SGCZ: variants seen among roughly 807,000 people sequenced by gnomAD.
The protein encoded by SGCZ is zeta-sarcoglycan.
A neutral mutation model predicts 41.3 loss-of-function variants in SGCZ; 40 were observed. The observed-to-expected ratio is 0.97, with a 90% CI of 0.75 to 1.26. The LOEUF (loss-of-function observed/expected upper bound fraction) is 1.26, where lower values mean the gene tolerates loss of function less well. Ranked by LOEUF, SGCZ falls within the 50% of genes most tolerant of loss-of-function variation. The probability of loss-of-function intolerance (pLI) is 0.00; values close to 1 mark genes in which losing one functional copy is unlikely to be tolerated. For missense variants in SGCZ, 552 were observed against 369.8 expected (o/e 1.49, Z -4.04); for synonymous variants, 206 against 137.5 (o/e 1.50, Z -3.49).
chr8:14,173,887 G>T (rs1804464423), intron 4 of SGCZ, among the ~76,000 whole-genome samples: 1 of 151,948 alleles, frequency 6.6e-6, no homozygotes, highest in Non-Finnish European at 1.5e-5. Context: ...TCTTACAAGA[G>T]ATATATTTGA....
rs547062867 is a variant in SGCZ at position 14,125,448 on chromosome 8, G to A, written c.548-17213C>T. Among the ~76,000 whole-genome samples the A allele has an allele frequency of 1.3e-4, 19 of 150,128 alleles. No homozygotes were observed. The East Asian group carries it at 3.5e-3, about 28-fold the overall frequency. On this transcript the variant is annotated intron_variant, in intron 5 of 7. Coordinates refer to ENST00000382080, the MANE Select transcript of SGCZ (RefSeq NM_139167.4). ...GAACCAGGGAGGCAGAGCTCGCAGT[G>A]AGCCGAGATCACGCCACTGCACTCC...
intron 1 of SGCZ, among the ~76,000 whole-genome samples, chr8:14,902,296 C>A (rs558750220): frequency 6.6e-6 from 1 of 152,130 alleles, no homozygotes; most frequent in South Asian, 2.1e-4. Flanking sequence ...CGTTCTTAAT[C>A]TTTTCTTCTA....
At chr8:14,242,374 A>G (rs1798920748) in intron 3 of SGCZ, among the ~76,000 whole-genome samples, 1 of 152,212 alleles carries the variant, frequency 6.6e-6, no homozygotes, top group Non-Finnish European at 1.5e-5. Flanking sequence ...CAATAAAACC[A>G]TCCACGAAGG....
chr8:14,295,412 T>G (rs936301249), intron 3 of SGCZ, among the ~76,000 whole-genome samples: 1 of 152,176 alleles, frequency 6.6e-6, no homozygotes, highest in African/African-American at 2.4e-5. Flanking sequence ...ATTAAAGTAA[T>G]GGTACATCAA....
chr8:14,970,720 A>T (rs1801264384), intron 1 of SGCZ, among the ~76,000 whole-genome samples: 1 of 152,152 alleles, frequency 6.6e-6, no homozygotes, highest in Non-Finnish European at 1.5e-5. Context: ...ATGAGTCTTG[A>T]TATCAGAGAG....
intron 7 of SGCZ, among the ~76,000 whole-genome samples, chr8:14,096,424 T>G (rs769141309): frequency 6.6e-6 from 1 of 152,222 alleles, no homozygotes; most frequent in African/African-American, 2.4e-5. Flanking sequence ...TTTGGATATG[T>G]TGAACCAGCC....
chr8:14,544,139 G>A (rs370352225), intron 2 of SGCZ, among the ~76,000 whole-genome samples: 43 of 152,112 alleles, frequency 2.8e-4, no homozygotes, highest in African/African-American at 8.9e-4. Flanking sequence ...CTGTGGCAGC[G>A]GAACATAAAT....
At chr8:15,027,497 C>T (rs1038004133) in intron 1 of SGCZ, among the ~76,000 whole-genome samples, 2 of 152,050 alleles carry the variant, frequency 1.3e-5, no homozygotes, top group Admixed American at 1.3e-4. Flanking sequence ...GCTGAATGTA[C>T]ATTCTGAGTA....
chr8:14,568,892 A>G (rs1026204160), intron 1 of SGCZ, among the ~76,000 whole-genome samples: 1 of 152,198 alleles, frequency 6.6e-6, no homozygotes, highest in African/African-American at 2.4e-5. Flanking sequence ...GTATAATTCA[A>G]GCAATTGGAA....
chr8:14,506,893 T>C (rs1021126832), intron 2 of SGCZ, among the ~76,000 whole-genome samples: 2 of 152,168 alleles, frequency 1.3e-5, no homozygotes, highest in Non-Finnish European at 2.9e-5. Context: ...CTCCTCCTCA[T>C]CCCCTTGCCC....
chr8:14,368,839 A>G (rs1803810074), intron 2 of SGCZ, among the ~76,000 whole-genome samples: 1 of 152,026 alleles, frequency 6.6e-6, no homozygotes. Context: ...GCAGCAAAAA[A>G]AAGTTACATA....
At chr8:15,020,285 A>T (rs1190358098) in intron 1 of SGCZ, among the ~76,000 whole-genome samples, 1 of 152,160 alleles carries the variant, frequency 6.6e-6, no homozygotes, top group African/African-American at 2.4e-5. Context: ...TTCAATTAAA[A>T]ATCCCACACA....
intron 2 of SGCZ, among the ~76,000 whole-genome samples, chr8:14,453,219 T>A (rs189453629): frequency 6.6e-6 from 1 of 152,202 alleles, no homozygotes; most frequent in East Asian, 1.9e-4. Flanking sequence ...TTTGTAAACA[T>A]AAAAATTTTC....
intron 1 of SGCZ, among the ~76,000 whole-genome samples, chr8:14,618,196 T>C (rs964750066): frequency 1.3e-5 from 2 of 152,122 alleles, no homozygotes; most frequent in Non-Finnish European, 2.9e-5. Flanking sequence ...TTATATTTTA[T>C]AACGAAAGAC....
intron 2 of SGCZ, among the ~76,000 whole-genome samples, chr8:14,326,025 T>C (rs1466976580): frequency 1.4e-5 from 2 of 139,708 alleles, no homozygotes; most frequent in African/African-American, 2.6e-5. Context: ...GGCAGGAGAA[T>C]GGCACGAACC....
At chr8:15,218,559 C>T (rs1217485642) in intron 1 of SGCZ, among the ~76,000 whole-genome samples, 1 of 152,206 alleles carries the variant, frequency 6.6e-6, no homozygotes, top group African/African-American at 2.4e-5. Context: ...GACCAACACT[C>T]TAGTCTCATC....
At chr8:14,927,746 T>C (rs1799801751) in intron 1 of SGCZ, among the ~76,000 whole-genome samples, 1 of 152,190 alleles carries the variant, frequency 6.6e-6, no homozygotes, top group Non-Finnish European at 1.5e-5. Context: ...CATTGAAGAC[T>C]TGAAAGCAAA....
At chr8:15,024,895 C>T (rs1697411652) in intron 1 of SGCZ, among the ~76,000 whole-genome samples, 1 of 151,710 alleles carries the variant, frequency 6.6e-6, no homozygotes, top group Non-Finnish European at 1.5e-5. Context: ...GAGATGGCGC[C>T]ACTGCACTCC....
intron 1 of SGCZ, among the ~76,000 whole-genome samples, chr8:14,926,847 T>C (rs111451940): frequency 0.023 from 3,445 of 151,966 alleles, 129 homozygotes; most frequent in African/African-American, 0.078. Context: ...CACCATGTTG[T>C]CCAGGAAGGT....
Sources: allele counts gnomAD v4.1 joint callset (sites outside exome capture counted in the v4.1 genomes callset), GRCh38; gene constraint gnomAD v4.1.1; transcripts MANE v1.5; gene names NCBI Gene and HGNC (gene_info 2026-07-23, HGNC 2026-07-21).